The following CAMTA1 variants were observed in gnomAD, a reference collection of about 807,000 sequenced individuals.
The protein encoded by CAMTA1 is calmodulin-binding transcription activator 1.
Under a neutral mutation model 170.9 loss-of-function variants are expected in CAMTA1, and 27 were observed. The observed-to-expected ratio is 0.16, with a 90% CI of 0.12 to 0.22. The LOEUF (loss-of-function observed/expected upper bound fraction) is 0.22. Ranked by LOEUF, CAMTA1 falls within the 10% of genes least tolerant of loss-of-function variation. The pLI, the probability that CAMTA1 is intolerant of heterozygous loss-of-function variation, is 1.00. For missense variants in CAMTA1, 1,619 were observed against 2,217.2 expected (o/e 0.73, Z 5.42); for synonymous variants, 833 against 891.5 (o/e 0.93, Z 1.17).
Position 7,673,513 on chromosome 1 carries a change from G to A in CAMTA1, c.2779+2476G>A, listed in dbSNP as rs2096079212. The stretch of plus-strand genomic sequence containing the variant: ...TTGGGTCTCAACAGGCAGTTCTCCT[G>A]GTCCTGGGGCATTTCTGGGTCCCCA... On this transcript the variant is annotated intron_variant, in intron 10 of 22. Transcript: ENST00000303635. The surrounding 1 kb of genome is among the most constrained non-coding windows in gnomAD (Gnocchi z 4.6). 6.6e-6 allele frequency among the ~76,000 whole-genome samples: 1 copy of A among 152,204 alleles called. No homozygotes were observed. The highest frequency in any genetic ancestry group is 2.4e-5 in the African/African-American group (1 of 41,468).
chr1:7,217,720 A>G (rs1461192691), intron 4 of CAMTA1, among the ~76,000 whole-genome samples: 1 of 151,874 alleles, frequency 6.6e-6, no homozygotes, highest in Non-Finnish European at 1.5e-5. Context: ...AACTTTTACC[A>G]TTTGGTCTTT....
chr1:7,174,736 G>A (rs1468227853), intron 4 of CAMTA1, among the ~76,000 whole-genome samples: 2 of 152,206 alleles, frequency 1.3e-5, no homozygotes, highest in African/African-American at 2.4e-5. Context: ...GGCCCTGGGG[G>A]GCCTGGGAAT....
At chr1:7,228,774 T>C (rs940277986) in intron 4 of CAMTA1, among the ~76,000 whole-genome samples, 2 of 152,188 alleles carry the variant, frequency 1.3e-5, no homozygotes, top group Non-Finnish European at 2.9e-5. Context: ...TGCTGGACTT[T>C]GGCCAGGGGA....
chr1:7,031,837 A>G (rs1702861896), intron 3 of CAMTA1, among the ~76,000 whole-genome samples: 1 of 152,138 alleles, frequency 6.6e-6, no homozygotes. Flanking sequence ...CACCACGCCC[A>G]GCCAATCTCT....
intron 5 of CAMTA1, among the ~76,000 whole-genome samples, chr1:7,348,161 C>T (rs1317762525): frequency 6.6e-6 from 1 of 152,062 alleles, no homozygotes; most frequent in Non-Finnish European, 1.5e-5. Context: ...CACTGCCCCC[C>T]AGCTTTGTGT....
At chr1:7,373,649 G>A (rs2086643977) in intron 5 of CAMTA1, among the ~76,000 whole-genome samples, 1 of 152,170 alleles carries the variant, frequency 6.6e-6, no homozygotes, top group African/African-American at 2.4e-5. Flanking sequence ...TTGCCTTGTG[G>A]GGAAACTTAT....
At chr1:7,284,174 CTTCTTATTATTATTATTATTATTA>C (rs1234574015) in intron 5 of CAMTA1, among the ~76,000 whole-genome samples, 33 of 108,070 alleles carry the variant, frequency 3.1e-4, no homozygotes, top group African/African-American at 1.2e-3. Flanking sequence ...TCTTCTTCTT[CTTCTTATTATTATTATTATTATTA>C]TTATTATTAT....
chr1:7,654,595 T>A (rs2095868063), intron 7 of CAMTA1, among the ~76,000 whole-genome samples: 1 of 139,700 alleles, frequency 7.2e-6, no homozygotes, highest in Admixed American at 7.0e-5. Flanking sequence ...CACACAGCTA[T>A]ACACACACAC....
At chr1:7,320,506 G>A (rs1027840322) in intron 5 of CAMTA1, among the ~76,000 whole-genome samples, 1 of 152,158 alleles carries the variant, frequency 6.6e-6, no homozygotes, top group Non-Finnish European at 1.5e-5. Flanking sequence ...TACCATAGTC[G>A]ATAGGCATCT....
intron 5 of CAMTA1, among the ~76,000 whole-genome samples, chr1:7,326,348 A>G (rs1299385612): frequency 1.3e-5 from 2 of 152,266 alleles, no homozygotes; most frequent in Admixed American, 6.5e-5. Context: ...TGTGTACGTC[A>G]TCAGCAGGGA....
chr1:7,523,891 A>AT (rs1553191242), intron 6 of CAMTA1, among the ~76,000 whole-genome samples: 77 of 130,934 alleles, frequency 5.9e-4, no homozygotes, highest in African/African-American at 2.2e-3. Flanking sequence ...TCGAAAAAAA[A>AT]AATAATAATA....
rs956021371 is a variant in CAMTA1, at chr1:7,642,334, G to A, written c.664+1781G>A. The stretch of plus-strand genomic sequence containing the variant: ...CCCTGGAAATAGCCCTGGAATGGTG[G>A]GGGGGAAGGGACCTGCCCAGGGTCC... On this transcript the variant is annotated intron_variant, in intron 7 of 22. Transcript: ENST00000303635. This position sits in a 1 kb window ranked among gnomAD's most constrained non-coding sequence, Gnocchi z 6.3. 2.6e-5 allele frequency among the ~76,000 whole-genome samples: 4 copies of A among 152,170 alleles called. No individual in the cohort carries two copies. The highest frequency in any genetic ancestry group is 9.6e-5 in the African/African-American group (4 of 41,452).
intron 4 of CAMTA1, among the ~76,000 whole-genome samples, chr1:7,103,323 G>A (rs1370917446): frequency 6.6e-6 from 1 of 151,356 alleles, no homozygotes; most frequent in Non-Finnish European, 1.5e-5. Flanking sequence ...CTGTCTGAGA[G>A]GCACATATAC....
intron 3 of CAMTA1, among the ~76,000 whole-genome samples, chr1:6,931,779 T>G (rs545237097): frequency 3.2e-4 from 49 of 152,308 alleles, no homozygotes; most frequent in African/African-American, 1.0e-3. Flanking sequence ...CTGGTCTAGT[T>G]TCTTTTGGGA....
intron 3 of CAMTA1, among the ~76,000 whole-genome samples, chr1:6,867,557 C>G (rs914541178): frequency 6.6e-6 from 1 of 152,126 alleles, no homozygotes; most frequent in Non-Finnish European, 1.5e-5. Flanking sequence ...GGGTGAGCTA[C>G]AGACATGAAA....
chr1:7,308,353 G>A (rs974842132), intron 5 of CAMTA1, among the ~76,000 whole-genome samples: 4 of 151,158 alleles, frequency 2.6e-5, no homozygotes, highest in Admixed American at 6.6e-5. Context: ...AATTCCATTT[G>A]TAATTCATTC....
chr1:7,340,565 C>CCTCCCTCCCTCCCTCG (rs1553139290), intron 5 of CAMTA1, among the ~76,000 whole-genome samples: 1 of 147,926 alleles, frequency 6.8e-6, no homozygotes, highest in African/African-American at 2.5e-5. Context: ...TCCCTCCCTC[C>CCTCCCTCCCTCCCTCG]CTTCCTTCCT....
In CAMTA1 at chr1:7,410,945, ATATGTGTGTATGTCTGTGTGTG is replaced by A. The variant is rs2090679799; in HGVS notation, c.439-56875_439-56854del. ...TGTGTATGTCTGTGTGTATGTGTGTATATGTGTGTATGTCTGTGTGTGTATGTGTGTGTATATGTGTTTGTGT... is the reference window on the plus strand; with the variant it reads ...TGTGTATGTCTGTGTGTATGTGTGTATATGTGTGTGTATATGTGTTTGTGT... On this transcript the variant is annotated intron_variant, in intron 5 of 22. Coordinates refer to ENST00000303635, the MANE Select transcript of CAMTA1 (RefSeq NM_015215.4). 2.0e-5 allele frequency among the ~76,000 whole-genome samples: 3 copies of A among 149,948 alleles called. 1 individual carries two copies. The South Asian group carries it at 6.3e-4, about 32-fold the overall frequency.
chr1:7,276,289 A>ATTTTTTTTTTTT (rs1393755906), intron 5 of CAMTA1, among the ~76,000 whole-genome samples: 1 of 53,538 alleles, frequency 1.9e-5, no homozygotes, highest in Non-Finnish European at 2.9e-5. Flanking sequence ...ATATATATAT[A>ATTTTTTTTTTTT]TATATATATA....
Sources: gnomAD v4.1 joint callset for allele counts (sites outside exome capture counted in the v4.1 genomes callset) on GRCh38, gnomAD v4.1.1 for gene constraint, Gnocchi (gnomAD v3.1) non-coding constraint, MANE v1.5 for transcripts, NCBI Gene and HGNC (gene_info 2026-07-23, HGNC 2026-07-21) for gene names.